NR6A1: variants seen among roughly 807,000 people sequenced by gnomAD.
NR6A1 encodes retinoic acid receptor-related testis-associated receptor.
In NR6A1, 7 loss-of-function variants were observed where a neutral mutation model predicts 59.1. The observed-to-expected ratio is 0.12, with a 90% CI of 0.07 to 0.22. The LOEUF is 0.22. Among genes scored for constraint, NR6A1 ranks in the 10% least tolerant of loss-of-function variants. The pLI, the probability that NR6A1 is intolerant of heterozygous loss-of-function variation, is 1.00. For synonymous variants in NR6A1, 243 were observed against 236.1 expected (o/e 1.03, Z -0.27); for missense variants, 468 against 611.6 (o/e 0.77, Z 2.48).
intron 1 of NR6A1, among the ~76,000 whole-genome samples, chr9:124,766,639 T>C (rs913406387): frequency 2.6e-5 from 4 of 152,222 alleles, no homozygotes; most frequent in Non-Finnish European, 5.9e-5. Flanking sequence ...AGTGTCACTT[T>C]CAACTTAATT....
chr9:124,598,078 G>A (rs976032685), intron 2 of NR6A1, among the ~76,000 whole-genome samples: 1 of 152,050 alleles, frequency 6.6e-6, no homozygotes, highest in Non-Finnish European at 1.5e-5. Flanking sequence ...TGAACTCCTC[G>A]GCTCAAGTGA....
intron 2 of NR6A1, among the ~76,000 whole-genome samples, chr9:124,624,784 G>C (rs892155360): frequency 2.6e-5 from 4 of 152,188 alleles, no homozygotes; most frequent in Non-Finnish European, 5.9e-5. Context: ...TTTTGCTCCA[G>C]ATCTGTCACA....
At chr9:124,626,616 G>T (rs1836247664) in intron 2 of NR6A1, among the ~76,000 whole-genome samples, 1 of 152,156 alleles carries the variant, frequency 6.6e-6, no homozygotes, top group Non-Finnish European at 1.5e-5. Context: ...CTGCTGCCTG[G>T]AACTTAAAAG....
At position 124,519,157 on chromosome 9, in the gene NR6A1, G is replaced by T. The variant is rs1438921878; in HGVS notation, c.*3548C>A. The T allele has an allele frequency of 1.3e-5, 2 of 152,254 alleles. No homozygotes were observed. Among genetic ancestry groups the T allele is most frequent in the African/African-American group, 4.8e-5 (2 of 41,450 alleles). The allele number at this position is 152,254 out of a possible 1,614,324, so 9.4% of individuals were successfully genotyped here. On this transcript the variant is annotated 3_prime_UTR_variant, in exon 10 of 10. Transcript: ENST00000487099. ...GCAGGTACTCACCTCCCTGAAAAAG[G>T]GTGGCAGGTGAGAGGCAGGTTGATG...
intron 1 of NR6A1, among the ~76,000 whole-genome samples, chr9:124,748,338 A>G (rs1166946297): frequency 6.6e-6 from 1 of 152,176 alleles, no homozygotes; most frequent in Non-Finnish European, 1.5e-5. Context: ...CAAATCATAC[A>G]ATGCTAACAC....
intron 2 of NR6A1, among the ~76,000 whole-genome samples, chr9:124,717,091 T>C (rs1839432691): frequency 6.6e-6 from 1 of 152,158 alleles, no homozygotes; most frequent in Non-Finnish European, 1.5e-5. Flanking sequence ...GACTAAAATT[T>C]TAAAAACTAG....
chr9:124,589,942 G>A (rs1014476126), intron 2 of NR6A1, among the ~76,000 whole-genome samples: 37 of 151,702 alleles, frequency 2.4e-4, no homozygotes, highest in African/African-American at 8.0e-4. Context: ...GCGCATGCTT[G>A]CAGTCCCAGC....
intron 2 of NR6A1, among the ~76,000 whole-genome samples, chr9:124,725,782 A>G (rs1839697182): frequency 3.3e-5 from 5 of 152,178 alleles, no homozygotes; most frequent in Admixed American, 1.3e-4. Context: ...TAGTCAACTT[A>G]AGAGAAAAAT....
chr9:124,673,169 A>G (rs754612684), intron 2 of NR6A1, among the ~76,000 whole-genome samples: 31 of 152,134 alleles, frequency 2.0e-4, no homozygotes, highest in Non-Finnish European at 4.1e-4. Flanking sequence ...AAAAAATACA[A>G]AAAGTAGCCA....
intron 2 of NR6A1, among the ~76,000 whole-genome samples, chr9:124,639,958 G>A (rs1450922771): frequency 6.6e-6 from 1 of 152,090 alleles, no homozygotes; most frequent in Admixed American, 6.5e-5. Flanking sequence ...TGTCATACAG[G>A]GTAATGTGTT....
intron 2 of NR6A1, among the ~76,000 whole-genome samples, chr9:124,656,157 T>C (rs1276123264): frequency 6.6e-6 from 1 of 152,122 alleles, no homozygotes; most frequent in Non-Finnish European, 1.5e-5. Context: ...TTCTCTCTCT[T>C]GCCTCCTCCT....
At position 124,589,858 on chromosome 9, in the gene NR6A1, A is replaced by C. The variant is rs542556471; in HGVS notation, c.143-35288T>G. ...AAGGCAGGCAGATCATGAGGTCAAGAGATCGAGACCATCCTGGGCAACATG... is the reference window on the plus strand; with the variant it reads ...AAGGCAGGCAGATCATGAGGTCAAGCGATCGAGACCATCCTGGGCAACATG... On this transcript the variant is annotated intron_variant, in intron 2 of 9. Transcript: ENST00000487099. Among the ~76,000 whole-genome samples the C allele has an allele frequency of 1.1e-4, 16 of 152,196 alleles. No individual in the cohort carries two copies. The South Asian group carries it at 3.3e-3, about 32-fold the overall frequency.
chr9:124,686,457 T>C (rs1349844472), intron 2 of NR6A1, among the ~76,000 whole-genome samples: 1 of 152,212 alleles, frequency 6.6e-6, no homozygotes, highest in Non-Finnish European at 1.5e-5. Flanking sequence ...ACCTACTGCA[T>C]GATATTGGTT....
chr9:124,678,992 G>A (rs1161565944), intron 2 of NR6A1, among the ~76,000 whole-genome samples: 2 of 152,044 alleles, frequency 1.3e-5, no homozygotes, highest in Non-Finnish European at 2.9e-5. Context: ...GAGGTAGGAG[G>A]TTTGCTTGGA....
chr9:124,529,259 A>G (rs1833028785), intron 7 of NR6A1, among the ~76,000 whole-genome samples: 1 of 152,246 alleles, frequency 6.6e-6, no homozygotes, highest in Non-Finnish European at 1.5e-5. Context: ...TGCGAGGCAC[A>G]TTAAGTATTC....
intron 2 of NR6A1, among the ~76,000 whole-genome samples, chr9:124,639,672 C>A (rs1836716471): frequency 6.6e-6 from 1 of 152,078 alleles, no homozygotes. Flanking sequence ...GAGCAACATT[C>A]TGAAAGGCAA....
intron 3 of NR6A1, among the ~76,000 whole-genome samples, chr9:124,553,123 T>G (rs1267217116): frequency 6.6e-6 from 1 of 152,188 alleles, no homozygotes; most frequent in East Asian, 1.9e-4. Context: ...AATTGAATAT[T>G]GGAGATATAA....
At chr9:124,556,801 A>AT (rs1258521277) in intron 2 of NR6A1, among the ~76,000 whole-genome samples, 1 of 151,544 alleles carries the variant, frequency 6.6e-6, no homozygotes, top group Non-Finnish European at 1.5e-5. Flanking sequence ...AAGAGAGTAA[A>AT]TTTTTGTTGT....
intron 2 of NR6A1, among the ~76,000 whole-genome samples, chr9:124,556,547 G>A (rs773613894): frequency 8.0e-5 from 12 of 150,100 alleles, no homozygotes; most frequent in Non-Finnish European, 1.3e-4. Context: ...TGCAACCTCC[G>A]CCTCCTAGGT....
Sources: allele counts gnomAD v4.1 joint callset (sites outside exome capture counted in the v4.1 genomes callset), GRCh38; gene constraint gnomAD v4.1.1; transcripts MANE v1.5; gene names NCBI Gene and HGNC (gene_info 2026-07-23, HGNC 2026-07-21).